The following CEP131 variants were observed in gnomAD, a reference collection of about 807,000 sequenced individuals.
CEP131 encodes centrosomal protein of 131 kDa.
CEP131 carries 99 observed loss-of-function variants against 136.8 expected under a neutral mutation model. The observed-to-expected ratio is 0.72, with a 90% confidence interval of 0.62 to 0.86. CEP131 has a LOEUF of 0.86. Ranked by LOEUF, CEP131 falls within the 40% of genes least tolerant of loss-of-function variation. CEP131 has a pLI of 0.00. For synonymous variants in CEP131, 646 were observed against 612.7 expected, an observed-to-expected ratio of 1.05 and a Z score of -0.80; for missense variants, 1,459 against 1,463.0, an observed-to-expected ratio of 1.00 and a Z score of 0.04.
chr17:81,192,870 G>C (rs1479294771), intron 18 of CEP131, 27 bp from the exon 19 acceptor site: 2 of 1,588,260 alleles, frequency 1.3e-6, no homozygotes, highest in East Asian at 2.3e-5. Flanking sequence ...ACTGGCTCTC[G>C]GGGGCCGGGA....
At position 81,195,691 on chromosome 17, in the gene CEP131, G is replaced by A. The variant is rs1049496217; in HGVS notation, c.2016+144C>T. 13 of 723,070 alleles carry A rather than the reference G, an allele frequency of 1.8e-5. No homozygotes were observed. The Admixed American group carries it at 2.3e-4, about 13-fold the overall frequency. The allele number at this position is 723,070 out of a possible 1,614,324, so 44.8% of individuals were successfully genotyped here. ...AGCTCGGTGCCACGGTGCTCCCCCA[G>A]ACAGCCCCACCCACCGCTGTGGCCC... On this transcript the variant is annotated intron_variant, in intron 16 of 25. Coordinates refer to ENST00000450824, the MANE Select transcript of CEP131 (RefSeq NM_014984.4).
At position 81,190,008 on chromosome 17, in the gene CEP131, C is replaced by T. The variant is rs113774575; in HGVS notation, c.3108-33G>A. 4.0e-5 allele frequency: 63 copies of T among 1,568,542 alleles called. No individual in the cohort carries two copies. In the African/African-American group the frequency reaches 7.1e-4, roughly 18 times the overall value. Reference sequence around the variant, plus strand: ...TAGTACATGGTAGGCTTCAGTGTGGCCCCCGCCCCATGTCCCCAGAGTGGC... The same window carrying T: ...TAGTACATGGTAGGCTTCAGTGTGGTCCCCGCCCCATGTCCCCAGAGTGGC... On this transcript the variant is annotated intron_variant, in intron 24 of 25. Transcript: ENST00000450824.
Position 81,202,406 on chromosome 17 carries a change from G to A in CEP131, c.630-8C>T, listed in dbSNP as rs771626126. ...GCTGCCTTGATGATGTTGCTGACAG[G>A]TAAGAAGAAAACACCCTCGTCTCAC... is the stretch of plus-strand genomic sequence containing the variant. On this transcript the variant is annotated splice_polypyrimidine_tract_variant and splice_region_variant and intron_variant, in intron 6 of 25. Transcript: ENST00000450824. The A allele has an allele frequency of 1.2e-6, 2 of 1,611,942 alleles. No homozygotes were observed. Among genetic ancestry groups the A allele is most frequent in the Non-Finnish European group, 1.7e-6 (2 of 1,179,498 alleles).
At position 81,194,866 on chromosome 17, in the gene CEP131, C is replaced by T; in HGVS notation, c.2119+4G>A. On this transcript the variant is annotated splice_donor_region_variant and intron_variant, in intron 17 of 25. Coordinates refer to ENST00000450824, the MANE Select transcript of CEP131 (RefSeq NM_014984.4). ...TGGCCGGCTCATGGGAGGGGAGGGC[C>T]CACCTCGGACAGTGACCTCCTTGAT... 6.2e-7 allele frequency: 1 copy of T among 1,612,730 alleles called. No homozygotes were observed. Among genetic ancestry groups the T allele is most frequent in the Non-Finnish European group, 8.5e-7 (1 of 1,179,504 alleles).
At chr17:81,199,924 T>TCC in intron 8 of CEP131, 89 bp from the exon 9 acceptor site, 1 of 1,318,766 alleles carries the variant, frequency 7.6e-7, no homozygotes, top group Non-Finnish European at 1.1e-6. Flanking sequence ...CGCCCTGGAG[T>TCC]CCCCTAGAGT....
chr17:81,197,559 C>T (rs2061788145), intron 13 of CEP131, 153 bp downstream of exon 13: 3 of 1,196,738 alleles, frequency 2.5e-6, no homozygotes, highest in South Asian at 3.2e-5. Context: ...GGGACCACCT[C>T]CTGCTGGGGG....
At position 81,197,709 on chromosome 17, in the gene CEP131, C is replaced by T; in HGVS notation, c.1647+3G>A. 3 of 1,607,458 alleles carry T rather than the reference C, an allele frequency of 1.9e-6. No homozygotes were observed. Among genetic ancestry groups the T allele is most frequent in the South Asian group, 1.1e-5 (1 of 90,876 alleles). On this transcript the variant is annotated splice_donor_region_variant and intron_variant, in intron 13 of 25. Transcript: ENST00000450824. ...GGCCGGGTGCGGGCTGGTGAGGGGC[C>T]ACCTCCTGCTGGGAGTCCAGCTGGT...
In CEP131 at chr17:81,219,980, G is replaced by C. The variant is rs1299572481; in HGVS notation, c.77C>G (p.Pro26Arg). 2 of 1,612,056 alleles carry C rather than the reference G, an allele frequency of 1.2e-6. No individual in the cohort carries two copies. Among genetic ancestry groups the C allele is most frequent in the Non-Finnish European group, 1.7e-6 (2 of 1,179,376 alleles). ...GCCAGGACGCCGGGACACAGGCGGA[G>C]GGAGACCTGTCAGACTCAGGTCCAC... is the stretch of plus-strand genomic sequence containing the variant. ...AGVDLSLTGL[P>R]PPVSRRPGSA... Residue 26 changes from proline to arginine, a missense_variant, in exon 2 of 26, where the codon CCT becomes CGT. Physicochemically the swap from Pro to Arg is moderately radical, Grantham distance 103. Transcript: ENST00000450824. This position sits in a 1 kb window ranked among gnomAD's most constrained non-coding sequence, Gnocchi z 4.0.
intron 1 of CEP131, among the ~76,000 whole-genome samples, chr17:81,221,717 G>A (rs548751090): frequency 2.6e-5 from 4 of 152,352 alleles, no homozygotes; most frequent in African/African-American, 9.6e-5. Flanking sequence ...GCCGCACACA[G>A]TTGGTTTATG....
At chr17:81,195,112 C>A (rs2061726557) in intron 16 of CEP131, 140 bp from the exon 17 acceptor site, 1 of 676,298 alleles carries the variant, frequency 1.5e-6, no homozygotes, top group African/African-American at 1.8e-5. Context: ...TGCCCCGAGA[C>A]AGAGCCACTG....
At chr17:81,201,310 C>T (rs900006417) in intron 7 of CEP131, among the ~76,000 whole-genome samples, 2 of 152,188 alleles carry the variant, frequency 1.3e-5, no homozygotes, top group Non-Finnish European at 2.9e-5. Context: ...GGGTAGGTGA[C>T]GGCTCCGCCA....
At chr17:81,194,279 C>T (rs1056129897) in intron 17 of CEP131, 152 bp from the exon 18 acceptor site, 24 of 718,712 alleles carry the variant, frequency 3.3e-5, no homozygotes, top group South Asian at 6.8e-5. Context: ...TGAGTCTTGA[C>T]GCCCACGAGG....
At chr17:81,202,167 C>G in intron 7 of CEP131, 73 bp downstream of exon 7, 24 of 575,054 alleles carry the variant, frequency 4.2e-5, no homozygotes, top group East Asian at 6.6e-5. Context: ...GGTGTGAGCC[C>G]CCCAGACCCT....
intron 2 of CEP131, among the ~76,000 whole-genome samples, chr17:81,209,528 G>C (rs895857136): frequency 3.3e-5 from 5 of 152,168 alleles, no homozygotes; most frequent in African/African-American, 7.3e-5. Flanking sequence ...TCCGTGGAAA[G>C]GGGTGGAGGG....
At position 81,195,868 on chromosome 17, in the gene CEP131, C is replaced by G. The variant is rs113871177; in HGVS notation, c.1983G>C (p.Glu661Asp). 6.2e-7 allele frequency: 1 copy of G among 1,607,848 alleles called. No homozygotes were observed. Among genetic ancestry groups the G allele is most frequent in the South Asian group, 1.1e-5 (1 of 91,078 alleles). Residue 661 changes from glutamate (E) to aspartate (D), a missense_variant, in exon 16 of 26, where the codon GAG becomes GAC. Coordinates refer to ENST00000450824, the MANE Select transcript of CEP131 (RefSeq NM_014984.4). ...GCTGCGCCTGTGCCTGGGCCACACG[C>G]TCGGTGCATCTCTGGTCCTCCTGCT... ...ELKQEDQRCT[E>D]RVAQAQAQHE...
At chr17:81,214,053 A>G (rs544918794) in intron 2 of CEP131, among the ~76,000 whole-genome samples, 390 of 152,340 alleles carry the variant, frequency 2.6e-3, no homozygotes, top group Middle Eastern at 0.017. Flanking sequence ...ATCATGTGGG[A>G]TCCTGGGACA....
intron 6 of CEP131, among the ~76,000 whole-genome samples, chr17:81,202,864 T>G (rs112441423): frequency 0.014 from 2,084 of 151,948 alleles, 47 homozygotes; most frequent in African/African-American, 0.047. Flanking sequence ...CACGGGAGGC[T>G]GAGGCAGGAG....
At chr17:81,204,302 C>T (rs117416408) in intron 5 of CEP131, among the ~76,000 whole-genome samples, 2 of 152,320 alleles carry the variant, frequency 1.3e-5, no homozygotes, top group East Asian at 3.9e-4. Context: ...CCCTCCCCAG[C>T]TGGCCCTGCA....
At chr17:81,212,917 G>A (rs1334557845) in intron 2 of CEP131, among the ~76,000 whole-genome samples, 2 of 152,184 alleles carry the variant, frequency 1.3e-5, no homozygotes, top group Non-Finnish European at 2.9e-5. Context: ...TGTTGGCTGA[G>A]AAGACCAGAA....
Sources: allele counts gnomAD v4.1 joint callset (sites outside exome capture counted in the v4.1 genomes callset), GRCh38; gene constraint gnomAD v4.1.1; non-coding constraint Gnocchi (gnomAD v3.1); transcripts MANE v1.5; gene names NCBI Gene and HGNC (gene_info 2026-07-23, HGNC 2026-07-21).